FREM1: variants seen among roughly 807,000 people sequenced by gnomAD.
FREM1 encodes the protein FRAS1 related extracellular matrix 1.
FREM1 carries 220 observed loss-of-function variants against 210.1 expected under a neutral mutation model. The ratio of observed to expected loss-of-function variants is 1.05; its 90% CI spans 0.94 to 1.17. FREM1 has a LOEUF of 1.17. Among genes scored for constraint, FREM1 ranks in the 50% most tolerant of loss-of-function variants. The pLI is 0.00. For missense variants in FREM1, 3,454 were observed against 2,675.5 expected (o/e 1.29, Z -6.42); for synonymous variants, 1,189 against 980.2 (o/e 1.21, Z -3.98).
At chr9:14,743,617 C>T (rs1841931159) in intron 35 of FREM1, among the ~76,000 whole-genome samples, 1 of 152,090 alleles carries the variant, frequency 6.6e-6, no homozygotes, top group African/African-American at 2.4e-5. Flanking sequence ...AGACCAGTTA[C>T]TTGCATTGGC....
chr9:14,792,959 A>G (rs1851685842), intron 21 of FREM1, 75 bp from the exon 22 acceptor site: 2 of 879,562 alleles, frequency 2.3e-6, no homozygotes, highest in African/African-American at 1.7e-5. Context: ...TATATTGACT[A>G]TCACAGTTCC....
intron 16 of FREM1, among the ~76,000 whole-genome samples, chr9:14,809,841 T>C (rs747566719): frequency 5.9e-5 from 9 of 152,152 alleles, no homozygotes; most frequent in African/African-American, 1.9e-4. Context: ...TACTGTCTAA[T>C]GGTAGAGAAG....
chr9:14,852,250 G>A (rs982104128), intron 5 of FREM1, among the ~76,000 whole-genome samples: 2 of 152,166 alleles, frequency 1.3e-5, no homozygotes, highest in African/African-American at 4.8e-5. Context: ...TCAAGCAAGG[G>A]TTGGGCATTG....
chr9:14,851,678 CATA>C, intron 5 of FREM1, 71 bp from the exon 6 acceptor site: 1 of 1,192,432 alleles, frequency 8.4e-7, no homozygotes, highest in Non-Finnish European at 1.2e-6. Flanking sequence ...GGGCTAATAG[CATA>C]ATATTTAATA....
At chr9:14,816,571 C>G (rs1397396011) in intron 15 of FREM1, among the ~76,000 whole-genome samples, 1 of 152,148 alleles carries the variant, frequency 6.6e-6, no homozygotes, top group Non-Finnish European at 1.5e-5. Flanking sequence ...CTGGCTCCCT[C>G]TTGCTCTTTT....
intron 24 of FREM1, among the ~76,000 whole-genome samples, chr9:14,778,479 G>A (rs905868468): frequency 2.7e-5 from 4 of 149,456 alleles, no homozygotes; most frequent in South Asian, 2.2e-4. Flanking sequence ...GGTGTGGTGC[G>A]TGCCTGTAGC....
chr9:14,860,387 C>T (rs1829584846), intron 3 of FREM1, among the ~76,000 whole-genome samples: 3 of 151,788 alleles, frequency 2.0e-5, no homozygotes. Flanking sequence ...GAAGAAGCTC[C>T]TCTAACCCTG....
intron 27 of FREM1, among the ~76,000 whole-genome samples, chr9:14,766,660 A>G (rs576112877): frequency 1.3e-5 from 2 of 152,260 alleles, no homozygotes; most frequent in East Asian, 3.9e-4. Flanking sequence ...TGAATTTTCC[A>G]CTGAACATGG....
chr9:14,892,463 T>C (rs141485630), intron 1 of FREM1, among the ~76,000 whole-genome samples: 1,980 of 152,194 alleles, frequency 0.013, 44 homozygotes, highest in African/African-American at 0.045. Context: ...GAACTTGGGT[T>C]TGAGACCCAA....
At chr9:14,753,050 T>C (rs753751272) in intron 29 of FREM1, among the ~76,000 whole-genome samples, 42 of 152,342 alleles carry the variant, frequency 2.8e-4, no homozygotes, top group Non-Finnish European at 5.0e-4. Context: ...GTTAATGAGA[T>C]TGGAAGTCAA....
At chr9:14,882,704 C>T (rs1219591024) in intron 1 of FREM1, among the ~76,000 whole-genome samples, 1 of 151,224 alleles carries the variant, frequency 6.6e-6, no homozygotes. Context: ...GTGATCTGCC[C>T]GCCTCAGCTC....
At chr9:14,779,930 A>AGAGAGACATCATCAGAGAGAGG (rs1317358110) in intron 24 of FREM1, among the ~76,000 whole-genome samples, 2 of 152,200 alleles carry the variant, frequency 1.3e-5, no homozygotes, top group African/African-American at 4.8e-5. Context: ...ACTCACAGGC[A>AGAGAGACATCATCAGAGAGAGG]GAGAGACATC....
At chr9:14,823,695 C>T (rs187224535) in intron 12 of FREM1, among the ~76,000 whole-genome samples, 10 of 152,126 alleles carry the variant, frequency 6.6e-5, no homozygotes, top group Non-Finnish European at 1.5e-4. Flanking sequence ...CCCTTGGAAA[C>T]TAATACAGTA....
intron 19 of FREM1, among the ~76,000 whole-genome samples, chr9:14,804,530 A>G (rs1285232577): frequency 6.6e-6 from 1 of 152,170 alleles, no homozygotes; most frequent in Non-Finnish European, 1.5e-5. Flanking sequence ...GCTTGCAGTG[A>G]GCCGAGGTCG....
chr9:14,896,859 C>G (rs968276927), intron 1 of FREM1, among the ~76,000 whole-genome samples: 2 of 152,230 alleles, frequency 1.3e-5, no homozygotes, highest in African/African-American at 2.4e-5. Flanking sequence ...AAGGGCTGCT[C>G]AGACATTCAG....
chr9:14,878,388 C>T (rs1834161471), intron 1 of FREM1, among the ~76,000 whole-genome samples: 1 of 152,078 alleles, frequency 6.6e-6, no homozygotes. Flanking sequence ...GTTCTTCCCC[C>T]AGATATCCCT....
intron 1 of FREM1, among the ~76,000 whole-genome samples, chr9:14,874,609 G>C (rs1461900824): frequency 6.6e-6 from 1 of 151,652 alleles, no homozygotes; most frequent in East Asian, 1.9e-4. Context: ...GATGGTTCTT[G>C]ACTCTTTATC....
intron 1 of FREM1, among the ~76,000 whole-genome samples, chr9:14,905,502 A>C (rs1268680434): frequency 6.6e-6 from 1 of 152,238 alleles, no homozygotes; most frequent in Non-Finnish European, 1.5e-5. Flanking sequence ...AAAAATGAAG[A>C]CAGAATGATT....
chr9:14,851,946 T>A (rs1433260235), intron 5 of FREM1, among the ~76,000 whole-genome samples: 1 of 152,174 alleles, frequency 6.6e-6, no homozygotes, highest in Non-Finnish European at 1.5e-5. Context: ...CACTTTTAAT[T>A]TGTGTGATTT....
Sources: allele counts gnomAD v4.1 joint callset (sites outside exome capture counted in the v4.1 genomes callset), GRCh38; gene constraint gnomAD v4.1.1; transcripts MANE v1.5; gene names NCBI Gene and HGNC (gene_info 2026-07-23, HGNC 2026-07-21).